The following GRB10 variants were observed in gnomAD, a reference collection of about 807,000 sequenced individuals.
GRB10 encodes growth factor receptor-bound protein 10.
Under a neutral mutation model 80.9 loss-of-function variants are expected in GRB10, and 20 were observed. That is an observed-to-expected ratio of 0.25 (90% confidence interval 0.17 to 0.36). GRB10 has a LOEUF of 0.36. Among genes scored for constraint, GRB10 ranks in the 10% least tolerant of loss-of-function variants. The pLI is 1.00. For synonymous variants in GRB10, 291 were observed against 291.5 expected (o/e 1.00, Z 0.02); for missense variants, 548 against 747.7 (o/e 0.73, Z 3.12).
At chr7:50,632,951 C>T (rs2054284053) in intron 7 of GRB10, among the ~76,000 whole-genome samples, 1 of 152,114 alleles carries the variant, frequency 6.6e-6, no homozygotes, top group Non-Finnish European at 1.5e-5. Context: ...AGCTCTGCCG[C>T]CCCCAGCCAG....
At chr7:50,718,072 A>G (rs1241553463) in intron 4 of GRB10, among the ~76,000 whole-genome samples, 1 of 152,180 alleles carries the variant, frequency 6.6e-6, no homozygotes, top group Admixed American at 6.5e-5. Context: ...ATTCCAGCCC[A>G]CTGACTAAGT....
chr7:50,727,533 T>G (rs139409353), intron 4 of GRB10, among the ~76,000 whole-genome samples: 68 of 152,382 alleles, frequency 4.5e-4, no homozygotes, highest in African/African-American at 1.6e-3. Context: ...TTACAGAAAG[T>G]GTAAACTATT....
intron 13 of GRB10, among the ~76,000 whole-genome samples, chr7:50,607,265 C>G (rs2048707726): frequency 6.6e-6 from 1 of 152,188 alleles, no homozygotes; most frequent in Non-Finnish European, 1.5e-5. Flanking sequence ...GTTTACATCT[C>G]TTGACTACAA....
intron 5 of GRB10, among the ~76,000 whole-genome samples, chr7:50,694,421 G>A (rs563377200): frequency 4.6e-5 from 7 of 152,334 alleles, no homozygotes; most frequent in Admixed American, 1.3e-4. Context: ...GATTTGTGAC[G>A]GGGTATTTGA....
chr7:50,779,930 C>T (rs1353397331), intron 2 of GRB10, among the ~76,000 whole-genome samples: 1 of 152,134 alleles, frequency 6.6e-6, no homozygotes, highest in African/African-American at 2.4e-5. Context: ...TCTCCACAGA[C>T]CAGAAATGCC....
intron 7 of GRB10, among the ~76,000 whole-genome samples, chr7:50,657,725 G>A (rs1406745950): frequency 6.6e-6 from 1 of 152,146 alleles, no homozygotes; most frequent in Non-Finnish European, 1.5e-5. Context: ...CACCAGCAGA[G>A]GGTATGTACT....
In GRB10 at chr7:50,697,973, G is replaced by GT. The variant is rs1263293503; in HGVS notation, c.139+5847dup. 4.6e-5 allele frequency among the ~76,000 whole-genome samples: 7 copies of GT among 152,346 alleles called. No homozygotes were observed. In the East Asian group the frequency reaches 1.4e-3, roughly 29 times the overall value. On this transcript the variant is annotated intron_variant, in intron 5 of 18. Transcript: ENST00000401949. ...TTGGACCCACTTAAAAGAAGGATCT[G>GT]TGTCTTTCTGTTCCATCTAACAGCC...
chr7:50,662,542 C>T (rs1186376365), intron 7 of GRB10, among the ~76,000 whole-genome samples: 1 of 152,104 alleles, frequency 6.6e-6, no homozygotes, highest in Non-Finnish European at 1.5e-5. Flanking sequence ...GTGCTGACCT[C>T]AGAGGTCTGG....
At chr7:50,761,659 A>G (rs2153705444) in intron 2 of GRB10, 1 of 152,354 alleles carries the variant, frequency 6.6e-6, no homozygotes, top group African/African-American at 2.4e-5. Flanking sequence ...AACGAGGTGT[A>G]AATGTTAAAT....
At chr7:50,694,913 T>C (rs1375999151) in intron 5 of GRB10, among the ~76,000 whole-genome samples, 1 of 152,176 alleles carries the variant, frequency 6.6e-6, no homozygotes, top group East Asian at 1.9e-4. Context: ...TGATAGCAGA[T>C]AGACTGTCAA....
chr7:50,773,559 A>G (rs2077254260), intron 2 of GRB10, among the ~76,000 whole-genome samples: 1 of 151,740 alleles, frequency 6.6e-6, no homozygotes, highest in Non-Finnish European at 1.5e-5. Context: ...AGTGTTGGCA[A>G]GAATGTGGAG....
intron 13 of GRB10, among the ~76,000 whole-genome samples, chr7:50,609,941 CAAGA>C (rs977334908): frequency 1.3e-5 from 2 of 152,060 alleles, no homozygotes; most frequent in African/African-American, 4.8e-5. Flanking sequence ...TCATTTTTTT[CAAGA>C]AAGTGTATCT....
chr7:50,694,410 C>A (rs543600267), intron 5 of GRB10, among the ~76,000 whole-genome samples: 1 of 152,226 alleles, frequency 6.6e-6, no homozygotes, highest in East Asian at 1.9e-4. Context: ...GGGCTAGGGT[C>A]GATTTGTGAC....
At chr7:50,683,671 A>T in intron 5 of GRB10, among the ~76,000 whole-genome samples, 1 of 152,212 alleles carries the variant, frequency 6.6e-6, no homozygotes, top group East Asian at 1.9e-4. Context: ...CGGGAGGTGG[A>T]CATTGCAGTG....
At chr7:50,602,840 A>T (rs903380582) in intron 17 of GRB10, among the ~76,000 whole-genome samples, 3 of 152,186 alleles carry the variant, frequency 2.0e-5, no homozygotes, top group Non-Finnish European at 4.4e-5. Context: ...TTTTTTAGAG[A>T]CAGGCATTGA....
rs1391852658 is a variant in GRB10 at position 50,780,711 on chromosome 7, A to C, written c.-301T>G. 6 of 152,174 alleles carry C rather than the reference A, an allele frequency of 3.9e-5. No individual in the cohort carries two copies. Among genetic ancestry groups the C allele is most frequent in the Non-Finnish European group, 5.9e-5 (4 of 68,038 alleles). The allele number at this position is 152,174 out of a possible 1,614,324, so 9.4% of individuals were successfully genotyped here. ...TCTCCTATACATTCTTCCTCCTGAG[A>C]ATTATCAGAATGCAGCCTCCCAAGT... On this transcript the variant is annotated 5_prime_UTR_variant, in exon 2 of 19. In the 5' UTR this introduces an upstream ATG that the reference lacks. Coordinates refer to ENST00000401949, the MANE Select transcript of GRB10 (RefSeq NM_001350814.2).
chr7:50,681,322 C>G (rs2061520349), intron 5 of GRB10, among the ~76,000 whole-genome samples: 2 of 152,238 alleles, frequency 1.3e-5, no homozygotes, highest in African/African-American at 2.4e-5. Context: ...GATATGCAGA[C>G]AGCCCTGAGC....
At chr7:50,747,225 G>A (rs774819359) in intron 3 of GRB10, among the ~76,000 whole-genome samples, 25 of 152,136 alleles carry the variant, frequency 1.6e-4, no homozygotes, top group Non-Finnish European at 3.5e-4. Flanking sequence ...AGAGACACAC[G>A]ACCTATCCCT....
chr7:50,592,806 C>A lies in GRB10; in HGVS notation c.*146G>T. The A allele has an allele frequency of 1.1e-6, 1 of 944,798 alleles. No individual in the cohort carries two copies. 58.5% of individuals were successfully genotyped at this position (944,798 alleles called of 1,614,324 possible). ...CGTCGTTTAAGTCCAACAAACTAGTCAATCTTGGTCGGCTGGCACCGAACA... is the reference window on the plus strand; with the variant it reads ...CGTCGTTTAAGTCCAACAAACTAGTAAATCTTGGTCGGCTGGCACCGAACA... On this transcript the variant is annotated 3_prime_UTR_variant, in exon 19 of 19. Coordinates refer to ENST00000401949, the MANE Select transcript of GRB10 (RefSeq NM_001350814.2).
Sources: allele counts gnomAD v4.1 joint callset (sites outside exome capture counted in the v4.1 genomes callset), GRCh38; gene constraint gnomAD v4.1.1; transcripts MANE v1.5; gene names NCBI Gene and HGNC (gene_info 2026-07-23, HGNC 2026-07-21).